Variants in KPNA7 observed in about 807,000 individuals in gnomAD.
The protein encoded by KPNA7 is karyopherin subunit alpha 7.
A neutral mutation model predicts 53.7 loss-of-function variants in KPNA7; 54 were observed. The ratio of observed to expected loss-of-function variants is 1.01; its 90% CI spans 0.81 to 1.26. The LOEUF (loss-of-function observed/expected upper bound fraction) is 1.26, where lower values mean the gene tolerates loss of function less well. Ranked by LOEUF, KPNA7 falls within the 50% of genes most tolerant of loss-of-function variation. KPNA7 has a pLI of 0.00. For missense variants in KPNA7, 640 were observed against 644.5 expected (o/e 0.99, Z 0.07); for synonymous variants, 276 against 259.3 (o/e 1.06, Z -0.62).
At chr7:99,169,317 C>T (rs1050352485), downstream of KPNA7, among the ~76,000 whole-genome samples, 1 of 152,072 alleles carries the variant, frequency 6.6e-6, no homozygotes, top group African/African-American at 2.4e-5. Context: ...GAGTATTTTG[C>T]TTACTGAACA....
intron 6 of KPNA7, among the ~76,000 whole-genome samples, chr7:99,191,381 C>T (rs1563078282): frequency 2.0e-5 from 3 of 152,122 alleles, no homozygotes; most frequent in Non-Finnish European, 4.4e-5. Context: ...GTCTTGATCT[C>T]TTGACCTCGT....
At chr7:99,157,179 T>G in the KPNA7 span, among the ~76,000 whole-genome samples, 5 of 152,248 alleles carry the variant, frequency 3.3e-5, 1 homozygote, top group Admixed American at 3.3e-4. Context: ...TTCTGGGAAA[T>G]GGTTGTTTTG....
upstream of KPNA7, among the ~76,000 whole-genome samples, chr7:99,211,641 C>T (rs762985671): frequency 2.0e-5 from 3 of 152,020 alleles, no homozygotes; most frequent in Non-Finnish European, 4.4e-5. Flanking sequence ...GGGACAAGTC[C>T]CTAAAATCAA....
intron 3 of KPNA7, among the ~76,000 whole-genome samples, chr7:99,197,976 G>T (rs1790315768): frequency 6.6e-6 from 1 of 152,150 alleles, no homozygotes; most frequent in Non-Finnish European, 1.5e-5. Flanking sequence ...CATCTGAAAA[G>T]TTCAATGAGC....
At chr7:99,196,305 G>A in intron 3 of KPNA7, 139 bp from the exon 4 acceptor site, 2 of 633,514 alleles carry the variant, frequency 3.2e-6, no homozygotes, top group South Asian at 1.9e-5. Flanking sequence ...CTATATTTGG[G>A]GAGGGGAGAA....
downstream of KPNA7, among the ~76,000 whole-genome samples, chr7:99,172,153 G>T (rs573130897): frequency 6.6e-6 from 1 of 152,134 alleles, no homozygotes; most frequent in Non-Finnish European, 1.5e-5. Flanking sequence ...TCTACGATGC[G>T]AAGAAAGGGA....
intron 7 of KPNA7, 126 bp downstream of exon 7, chr7:99,188,174 C>CAAA (rs59219718): frequency 0.01 from 3,942 of 386,506 alleles, 29 homozygotes; most frequent in South Asian, 0.027. Flanking sequence ...GACTCTGTCT[C>CAAA]AAAAAAAAAA....
chr7:99,186,234 G>A (rs1388406157), intron 7 of KPNA7, among the ~76,000 whole-genome samples: 1 of 152,154 alleles, frequency 6.6e-6, no homozygotes, highest in African/African-American at 2.4e-5. Flanking sequence ...AAGATCCCCA[G>A]GACAGGTCTA....
the KPNA7 span, among the ~76,000 whole-genome samples, chr7:99,158,950 C>T: frequency 4.6e-5 from 7 of 151,982 alleles, no homozygotes; most frequent in African/African-American, 9.7e-5. Flanking sequence ...CTGCAACCTC[C>T]GCCTCCTGGG....
chr7:99,194,035 T>C (rs1388683526), intron 5 of KPNA7, among the ~76,000 whole-genome samples: 1 of 152,162 alleles, frequency 6.6e-6, no homozygotes, highest in African/African-American at 2.4e-5. Context: ...CTAATTCCAA[T>C]ATGTGGAGTC....
At position 99,194,850 on chromosome 7, in the gene KPNA7, C is replaced by A. The variant is rs186022173; in HGVS notation, c.553+220G>T. 4.6e-5 allele frequency among the ~76,000 whole-genome samples: 7 copies of A among 152,242 alleles called. No homozygotes were observed. In the East Asian group the frequency reaches 1.4e-3, roughly 29 times the overall value. ...GAACTCCTGACCTCAAGTGATCCGTCCGCCTTGGCCTCCCAACATGCTGGG... is the reference window on the plus strand; with the variant it reads ...GAACTCCTGACCTCAAGTGATCCGTACGCCTTGGCCTCCCAACATGCTGGG... On this transcript the variant is annotated intron_variant, in intron 5 of 10. Transcript: ENST00000327442.
the KPNA7 span, among the ~76,000 whole-genome samples, chr7:99,150,557 G>T: frequency 2.2e-4 from 34 of 151,880 alleles, no homozygotes; most frequent in South Asian, 7.1e-3. Flanking sequence ...TGGGAATATA[G>T]GCATGCACCA....
At chr7:99,161,141 C>A in the KPNA7 span, among the ~76,000 whole-genome samples, 15 of 152,208 alleles carry the variant, frequency 9.9e-5, 1 homozygote, top group Admixed American at 4.6e-4. Context: ...GGATTACAGG[C>A]GTGAGCCACC....
chr7:99,176,527 A>G (rs1267287314), intron 10 of KPNA7, among the ~76,000 whole-genome samples: 1 of 152,102 alleles, frequency 6.6e-6, no homozygotes, highest in Non-Finnish European at 1.5e-5. Context: ...TAGTTCTTCA[A>G]AAATTCAAAA....
Position 99,218,734 on chromosome 7 carries a change from C to G in KPNA7, c.-23-11245G>C, listed in dbSNP as rs368423857. Among the ~76,000 whole-genome samples the G allele has an allele frequency of 3.9e-5, 6 of 152,348 alleles. No individual in the cohort carries two copies. In the South Asian group the frequency reaches 6.2e-4, roughly 16 times the overall value. ...TCTCCAAGCTGCCCCCATGGGCAGGCAGATCTGCTTCAGAAAGGGCCCCCA... is the reference window on the plus strand; with the variant it reads ...TCTCCAAGCTGCCCCCATGGGCAGGGAGATCTGCTTCAGAAAGGGCCCCCA... On this transcript the variant is annotated intron_variant, in intron 1 of 10. Coordinates refer to the KPNA7 transcript ENST00000681060.
intron 7 of KPNA7, among the ~76,000 whole-genome samples, chr7:99,187,080 A>G (rs1052052459): frequency 1.6e-4 from 25 of 152,082 alleles, no homozygotes; most frequent in African/African-American, 5.6e-4. Context: ...TGAGGTCAAG[A>G]GTTCAGGACC....
chr7:99,182,526 G>T (rs1268911659), intron 8 of KPNA7, among the ~76,000 whole-genome samples: 1 of 151,960 alleles, frequency 6.6e-6, no homozygotes, highest in African/African-American at 2.4e-5. Context: ...GTACAGACAG[G>T]GTTTCACCAT....
the KPNA7 span, among the ~76,000 whole-genome samples, chr7:99,147,186 T>C: frequency 6.6e-6 from 1 of 152,168 alleles, no homozygotes; most frequent in Non-Finnish European, 1.5e-5. Flanking sequence ...GTCAGTTAAC[T>C]GGATGAAACA....
At chr7:99,189,965 T>G (rs955306626) in intron 6 of KPNA7, among the ~76,000 whole-genome samples, 1 of 152,062 alleles carries the variant, frequency 6.6e-6, no homozygotes, top group Non-Finnish European at 1.5e-5. Context: ...TCCTTCCAAG[T>G]CACCAAACAC....
Sources: gnomAD v4.1 joint callset for allele counts (sites outside exome capture counted in the v4.1 genomes callset) on GRCh38, gnomAD v4.1.1 for gene constraint, MANE v1.5 for transcripts, NCBI Gene and HGNC (gene_info 2026-07-23, HGNC 2026-07-21) for gene names.